XCR1: variants seen among roughly 807,000 people sequenced by gnomAD.
XCR1 encodes the protein chemokine XC receptor 1.
For synonymous variants in XCR1, 187 were observed against 188.5 expected (o/e 0.99, Z 0.06); for missense variants, 356 against 424.2 (o/e 0.84, Z 1.41).
At chr3:46,042,547 T>C (rs1389087373) in intron 5 of XCR1, among the ~76,000 whole-genome samples, 2 of 152,122 alleles carry the variant, frequency 1.3e-5, no homozygotes, top group African/African-American at 2.4e-5. Flanking sequence ...TGATGAACAA[T>C]TGAAGGCCAA....
chr3:46,066,791 T>G (rs1333765586), intron 4 of XCR1, among the ~76,000 whole-genome samples: 1 of 152,274 alleles, frequency 6.6e-6, no homozygotes, highest in African/African-American at 2.4e-5. Context: ...TCAGTGCCTA[T>G]GCAATTTTGG....
chr3:46,065,960 A>T (rs1173256552), intron 4 of XCR1, among the ~76,000 whole-genome samples: 1 of 152,164 alleles, frequency 6.6e-6, no homozygotes, highest in African/African-American at 2.4e-5. Flanking sequence ...TTGCTAACTC[A>T]TTCTCAGAGG....
intron 3 of XCR1, among the ~76,000 whole-genome samples, chr3:46,068,600 C>T (rs538325872): frequency 3.2e-4 from 49 of 152,144 alleles, no homozygotes; most frequent in African/African-American, 1.1e-3. Flanking sequence ...CTGATATTTC[C>T]GCTGGAGGTT....
chr3:46,052,586 C>T (rs1238168833), intron 5 of XCR1, among the ~76,000 whole-genome samples: 1 of 152,154 alleles, frequency 6.6e-6, no homozygotes, highest in Admixed American at 6.5e-5. Context: ...AGAGCCTGAC[C>T]CTTGGCTCCT....
At chr3:46,036,211 G>C (rs1697428327) in intron 5 of XCR1, among the ~76,000 whole-genome samples, 1 of 152,214 alleles carries the variant, frequency 6.6e-6, no homozygotes, top group African/African-American at 2.4e-5. Context: ...AGCAGGTTGG[G>C]CCTGGTTAAT....
At chr3:46,064,687 T>C (rs1385736244) in intron 4 of XCR1, among the ~76,000 whole-genome samples, 1 of 152,226 alleles carries the variant, frequency 6.6e-6, no homozygotes, top group Non-Finnish European at 1.5e-5. Flanking sequence ...TGAGGCCACA[T>C]GCAGGAATGG....
chr3:46,078,162 G>C (rs987889737), intron 1 of XCR1, among the ~76,000 whole-genome samples: 5 of 152,200 alleles, frequency 3.3e-5, no homozygotes, highest in African/African-American at 1.2e-4. Flanking sequence ...TTGGAAGTGT[G>C]TCCTGAGCAG....
rs564656450 is a variant in XCR1, at chr3:46,040,302, T to G, written c.-32+13618A>C. 7.2e-5 allele frequency among the ~76,000 whole-genome samples: 11 copies of G among 152,326 alleles called. No homozygotes were observed. The South Asian group carries it at 2.3e-3, about 32-fold the overall frequency. ...AATTTGTGATCCTATTTTGTTATATTAAGTGTTGTAAGCCTTTGATATTTG... is the reference window on the plus strand; with the variant it reads ...AATTTGTGATCCTATTTTGTTATATGAAGTGTTGTAAGCCTTTGATATTTG... On this transcript the variant is annotated intron_variant, in intron 5 of 5. Transcript: ENST00000683768.
At chr3:46,030,942 T>C (rs145609782), upstream of XCR1, among the ~76,000 whole-genome samples, 83 of 152,374 alleles carry the variant, frequency 5.4e-4, 2 homozygotes, top group East Asian at 0.016. Context: ...GGGCTAGCCC[T>C]GGGAGTGTCA....
chr3:46,069,648 C>A (rs1698133852), intron 3 of XCR1, among the ~76,000 whole-genome samples: 1 of 152,114 alleles, frequency 6.6e-6, no homozygotes, highest in South Asian at 2.1e-4. Flanking sequence ...ATGCTGTATT[C>A]TTACAATAAA....
At chr3:46,083,125 C>G (rs1423100300) in intron 1 of XCR1, among the ~76,000 whole-genome samples, 13 of 152,196 alleles carry the variant, frequency 8.5e-5, no homozygotes. Flanking sequence ...GCGTTACTCA[C>G]TAATGACAGT....
intron 4 of XCR1, among the ~76,000 whole-genome samples, chr3:46,066,241 C>CTTTTCTTTCT: frequency 7.5e-6 from 1 of 132,652 alleles, no homozygotes; most frequent in East Asian, 2.4e-4. Context: ...TGCTTCTTTT[C>CTTTTCTTTCT]TTTTCTTTCT....
Position 46,021,820 on chromosome 3 carries a change from A to G in XCR1, c.128T>C (p.Leu43Pro). The G allele has an allele frequency of 6.2e-7, 1 of 1,614,104 alleles. No individual in the cohort carries two copies. ...CAGGCTGTTGCCCACTAGGCTGAGG[A>G]GAAACACCAGGCAGTATAGGACAGT... The part of the protein sequence containing the change: ...ATTVLYCLVF[L>P]LSLVGNSLVL... Residue 43 changes from leucine (L) to proline (P), a missense_variant, in exon 2 of 2, where the codon CTC becomes CCC. Transcript: ENST00000309285. The surrounding 1 kb of genome is among the most constrained non-coding windows in gnomAD (Gnocchi z 4.7).
intron 5 of XCR1, among the ~76,000 whole-genome samples, chr3:46,046,339 G>GA (rs1334462385): frequency 6.6e-6 from 1 of 152,180 alleles, no homozygotes; most frequent in Non-Finnish European, 1.5e-5. Flanking sequence ...GGGTGGCGTG[G>GA]AAAAGGGGTC....
chr3:46,060,235 A>G (rs114387531), intron 4 of XCR1, among the ~76,000 whole-genome samples: 152 of 152,254 alleles, frequency 1.0e-3, no homozygotes, highest in African/African-American at 3.5e-3. Flanking sequence ...GCCCTCAGTA[A>G]GCACCTAAGC....
chr3:46,066,186 C>A (rs1441937143), intron 4 of XCR1, among the ~76,000 whole-genome samples: 1 of 149,946 alleles, frequency 6.7e-6, no homozygotes, highest in African/African-American at 2.5e-5. Flanking sequence ...CACAGCCTGC[C>A]TTCCTTCCTT....
intron 4 of XCR1, among the ~76,000 whole-genome samples, chr3:46,056,855 G>A (rs1313356810): frequency 2.0e-5 from 3 of 152,160 alleles, no homozygotes; most frequent in South Asian, 4.2e-4. Flanking sequence ...TGGCTCCTAG[G>A]TATTTACTAG....
intron 5 of XCR1, among the ~76,000 whole-genome samples, chr3:46,041,148 A>G (rs1392656671): frequency 6.6e-6 from 1 of 152,140 alleles, no homozygotes; most frequent in Non-Finnish European, 1.5e-5. Flanking sequence ...TTTGTAAACT[A>G]TTTGTGAATA....
At chr3:46,051,059 T>G (rs1484921155) in intron 5 of XCR1, among the ~76,000 whole-genome samples, 1 of 152,170 alleles carries the variant, frequency 6.6e-6, no homozygotes, top group Non-Finnish European at 1.5e-5. Flanking sequence ...CACACAGGTT[T>G]GTCACTAAGC....
Sources: gnomAD v4.1 joint callset for allele counts (sites outside exome capture counted in the v4.1 genomes callset) on GRCh38, gnomAD v4.1.1 for gene constraint, Gnocchi (gnomAD v3.1) non-coding constraint, MANE v1.5 for transcripts, NCBI Gene and HGNC (gene_info 2026-07-23, HGNC 2026-07-21) for gene names.